Variants in RPS10 observed in about 807,000 individuals in gnomAD.
RPS10 encodes the protein ribosomal protein S10, also known as small ribosomal subunit protein eS10.
Under a neutral mutation model 22.6 loss-of-function variants are expected in RPS10, and 2 were observed. The ratio of observed to expected loss-of-function variants is 0.09; its 90% CI spans 0.04 to 0.28. The LOEUF (loss-of-function observed/expected upper bound fraction) is 0.28, where lower values mean the gene tolerates loss of function less well. Ranked by LOEUF, RPS10 falls within the 10% of genes least tolerant of loss-of-function variation. The pLI is 1.00. For synonymous variants in RPS10, 70 were observed against 75.9 expected (o/e 0.92, Z 0.40); for missense variants, 137 against 222.2 (o/e 0.62, Z 2.44).
intron 3 of RPS10, among the ~76,000 whole-genome samples, chr6:34,422,374 G>A (rs1157869081): frequency 6.6e-6 from 1 of 152,178 alleles, no homozygotes; most frequent in Non-Finnish European, 1.5e-5. Context: ...GAGTGCAGTG[G>A]CGCGATCTTG....
chr6:34,421,328 C>T (rs186572987), intron 4 of RPS10, among the ~76,000 whole-genome samples: 2 of 151,938 alleles, frequency 1.3e-5, no homozygotes, highest in Admixed American at 6.6e-5. Flanking sequence ...GGACTACAGA[C>T]GCCCACCACC....
rs560780193 is a variant in RPS10, at chr6:34,418,540, T to A, written c.401-116A>T. On this transcript the variant is annotated intron_variant, in intron 4 of 5. Transcript: ENST00000648437. ...AAAAGCCAAGTACCACTCCGTTAAA[T>A]ATAAGCAAATTACACCAGTGGTGGG... 1.1e-3 allele frequency: 1,718 copies of A among 1,498,598 alleles called. 3 individuals are homozygous for A. Among genetic ancestry groups the A allele is most frequent in the Non-Finnish European group, 1.4e-3 (1,553 of 1,094,900 alleles). The allele number at this position is 1,498,598 out of a possible 1,614,324, so 92.8% of individuals were successfully genotyped here.
At chr6:34,421,986 T>G (rs1407622835) in intron 3 of RPS10, among the ~76,000 whole-genome samples, 179 bp from the exon 4 acceptor site, 1 of 149,336 alleles carries the variant, frequency 6.7e-6, no homozygotes, top group Non-Finnish European at 1.5e-5. Context: ...TATTTCTCCA[T>G]AGAAACTTAT....
chr6:34,421,385 T>C (rs1266840084), intron 4 of RPS10, among the ~76,000 whole-genome samples: 2 of 151,906 alleles, frequency 1.3e-5, no homozygotes, highest in Admixed American at 1.3e-4. Flanking sequence ...GGTTTCGTCA[T>C]GTTGGCCAGG....
intron 2 of RPS10, 22 bp from the exon 3 acceptor site, chr6:34,424,862 T>C: frequency 6.2e-7 from 1 of 1,613,602 alleles, no homozygotes. Flanking sequence ...AAAACTACTG[T>C]TAAGGCGTTA....
intron 1 of RPS10, chr6:34,425,639 A>C (rs1765933817): frequency 3.7e-6 from 1 of 273,430 alleles, no homozygotes; most frequent in Non-Finnish European, 7.3e-6. Context: ...TGAAGGCGGC[A>C]GACCCCAAAC....
chr6:34,418,082 A>C (rs997522701), intron 5 of RPS10: 2 of 1,168,938 alleles, frequency 1.7e-6, no homozygotes, highest in African/African-American at 3.1e-5. Context: ...TTGGTTCTTA[A>C]GCCCACCCAC....
rs147863199 is a variant in RPS10, at chr6:34,424,760, C to T, written c.231G>A (p.Gln77=). ...GCAGATGAAGGTAATCACGGAGATACTGGATACCCTCATTGGTAAGGTACC... is the reference window on the plus strand; with the variant it reads ...GCAGATGAAGGTAATCACGGAGATATTGGATACCCTCATTGGTAAGGTACC... ...FYWYLTNEGI[Q]YLRDYLHLPP... Residue 77 remains glutamine (Q), a synonymous_variant, in exon 3 of 6, where the codon CAG becomes CAA. Transcript: ENST00000648437. 3,296 of 1,614,136 alleles carry T rather than the reference C, an allele frequency of 2.0e-3. 7 individuals are homozygous for T. The highest frequency in any genetic ancestry group is 2.4e-3 in the Non-Finnish European group (2,871 of 1,180,032).
intron 4 of RPS10, among the ~76,000 whole-genome samples, chr6:34,421,216 AGT>A (rs1765754950): frequency 6.6e-6 from 1 of 150,914 alleles, no homozygotes; most frequent in African/African-American, 2.4e-5. Context: ...CCTCGTGCCC[AGT>A]GTGAGCCATA....
At chr6:34,421,571 A>G (rs1205123443) in intron 4 of RPS10, among the ~76,000 whole-genome samples, 159 bp downstream of exon 4, 2 of 152,136 alleles carry the variant, frequency 1.3e-5, no homozygotes, top group African/African-American at 2.4e-5. Context: ...AAGAAGCACA[A>G]AGGACTCCAG....
intron 2 of RPS10, 93 bp from the exon 3 acceptor site, chr6:34,424,933 A>C (rs559197301): frequency 6.2e-7 from 1 of 1,607,656 alleles, no homozygotes; most frequent in African/African-American, 1.3e-5. Flanking sequence ...CAAGTTAGCA[A>C]GCAGCCCCCG....
chr6:34,421,398 G>C (rs190897254), intron 4 of RPS10, among the ~76,000 whole-genome samples: 11 of 151,922 alleles, frequency 7.2e-5, no homozygotes, highest in Non-Finnish European at 1.5e-4. Context: ...TGGCCAGGCT[G>C]GTCTCGAACT....
Position 34,421,440 on chromosome 6 carries a change from C to CA in RPS10, c.400+289_400+290insT, listed in dbSNP as rs200952191. Among the ~76,000 whole-genome samples the CA allele has an allele frequency of 8.7e-3, 1,329 of 151,932 alleles. 16 individuals carry two copies. Among genetic ancestry groups the CA allele is most frequent in the Middle Eastern group, 0.024 (7 of 294 alleles). ...CTCAAGTAATCTGCCCACTTCGACC[C>CA]CCCCCCTCCAACCAAAGTGCTGGGA... On this transcript the variant is annotated intron_variant, in intron 4 of 5. Coordinates refer to ENST00000648437, the MANE Select transcript of RPS10 (RefSeq NM_001014.5).
intron 5 of RPS10, chr6:34,418,124 A>G: frequency 7.0e-7 from 1 of 1,423,150 alleles, no homozygotes; most frequent in Non-Finnish European, 9.3e-7. Context: ...TCAAGCATTA[A>G]TGAAACAGAA....
chr6:34,424,985 G>C, intron 2 of RPS10, 87 bp downstream of exon 2: 1 of 1,609,738 alleles, frequency 6.2e-7, no homozygotes. Flanking sequence ...GAACCTTAGG[G>C]GAAGATCCCT....
At chr6:34,425,019 G>A in intron 2 of RPS10, 53 bp downstream of exon 2, 1 of 1,611,108 alleles carries the variant, frequency 6.2e-7, no homozygotes, top group Non-Finnish European at 8.5e-7. Flanking sequence ...TCCCATCCCG[G>A]GATGGGATCC....
At chr6:34,425,282 CAA>C in intron 1 of RPS10, 61 bp from the exon 2 acceptor site, 1 of 1,547,634 alleles carries the variant, frequency 6.5e-7, no homozygotes, top group South Asian at 1.2e-5. Context: ...GCCCGGTAAT[CAA>C]GTTCTTGATC....
intron 3 of RPS10, chr6:34,424,345 T>C (rs1425072397): frequency 5.9e-6 from 2 of 341,690 alleles, no homozygotes; most frequent in African/African-American, 4.2e-5. Flanking sequence ...GTAAATGGCT[T>C]TGCTTTGGAC....
At chr6:34,424,320 G>A (rs560422176) in intron 3 of RPS10, 29 of 315,844 alleles carry the variant, frequency 9.2e-5, no homozygotes, top group African/African-American at 6.0e-4. Context: ...CAACACTCTT[G>A]TTTCTTTCGA....
Sources: gnomAD v4.1 joint callset for allele counts (sites outside exome capture counted in the v4.1 genomes callset) on GRCh38, gnomAD v4.1.1 for gene constraint, MANE v1.5 for transcripts, NCBI Gene and HGNC (gene_info 2026-07-23, HGNC 2026-07-21) for gene names.